The following SPAST variants were observed in gnomAD, a reference collection of about 807,000 sequenced individuals.
SPAST encodes the protein spastin.
A neutral mutation model predicts 76.6 loss-of-function variants in SPAST; 30 were observed. That is an observed-to-expected ratio of 0.39 (90% confidence interval 0.29 to 0.53). The LOEUF is 0.53. Among genes scored for constraint, SPAST ranks in the 20% least tolerant of loss-of-function variants. The pLI, the probability that SPAST is intolerant of heterozygous loss-of-function variation, is 0.68. For synonymous variants in SPAST, 305 were observed against 281.0 expected (o/e 1.09, Z -0.86); for missense variants, 717 against 770.5 (o/e 0.93, Z 0.82).
intron 3 of SPAST, among the ~76,000 whole-genome samples, chr2:32,095,295 G>C (rs1194241822): frequency 1.3e-5 from 2 of 152,318 alleles, no homozygotes; most frequent in East Asian, 3.9e-4. Context: ...ATCACTGCAG[G>C]ATGGGTATTA....
intron 1 of SPAST, among the ~76,000 whole-genome samples, chr2:32,086,745 A>G (rs1346289243): frequency 3.3e-5 from 5 of 151,992 alleles, no homozygotes; most frequent in African/African-American, 4.8e-5. Flanking sequence ...GTGACAGAGC[A>G]AGACTCTGTC....
intron 1 of SPAST, among the ~76,000 whole-genome samples, chr2:32,068,326 T>G (rs1489617808): frequency 1.4e-5 from 1 of 73,314 alleles, no homozygotes; most frequent in Non-Finnish European, 3.0e-5. Flanking sequence ...TTGACAGCTC[T>G]TTTTTTTTTT....
chr2:32,094,884 A>C (rs1677860925), intron 3 of SPAST, among the ~76,000 whole-genome samples: 1 of 152,174 alleles, frequency 6.6e-6, no homozygotes, highest in Non-Finnish European at 1.5e-5. Flanking sequence ...CAGAAGAATC[A>C]CTTGAACCCG....
chr2:32,110,475 ATATG>A (rs1255031740), intron 4 of SPAST, among the ~76,000 whole-genome samples: 1 of 141,984 alleles, frequency 7.0e-6, no homozygotes, highest in African/African-American at 2.6e-5. Flanking sequence ...CAAAATAACT[ATATG>A]TATATGTAAC....
chr2:32,132,252 G>C (rs933788786), intron 9 of SPAST, among the ~76,000 whole-genome samples: 4 of 152,084 alleles, frequency 2.6e-5, no homozygotes, highest in African/African-American at 9.7e-5. Context: ...TTAGTCGGGC[G>C]TGGTGGCGTG....
At chr2:32,119,325 G>A (rs1678942289) in intron 7 of SPAST, among the ~76,000 whole-genome samples, 1 of 152,144 alleles carries the variant, frequency 6.6e-6, no homozygotes, top group African/African-American at 2.4e-5. Context: ...AAAAAAATCA[G>A]CTTTATTCCT....
chr2:32,106,610 A>G (rs1678331471), intron 4 of SPAST, among the ~76,000 whole-genome samples: 2 of 152,174 alleles, frequency 1.3e-5, no homozygotes, highest in South Asian at 2.1e-4. Context: ...TTCATATGTA[A>G]TACAAAACTT....
intron 2 of SPAST, among the ~76,000 whole-genome samples, chr2:32,088,393 C>G (rs1053765152): frequency 1.3e-5 from 2 of 151,766 alleles, no homozygotes; most frequent in African/African-American, 4.8e-5. Context: ...GCCTGTAATC[C>G]CAGCACTTTG....
In SPAST at chr2:32,083,674, TA is replaced by T. The variant is rs1309431138; in HGVS notation, c.416-3817del. Among the ~76,000 whole-genome samples the T allele has an allele frequency of 1.9e-3, 261 of 140,166 alleles. 4 individuals are homozygous for T. The highest frequency in any genetic ancestry group is 4.8e-3 in the African/African-American group (183 of 38,434). 92.0% of individuals were successfully genotyped at this position (140,166 alleles called of 152,430 possible). ...TGCCTACTATATATATATATATATA[TA>T]TTTTTATGCTATATATAGAGTATAT... is the stretch of plus-strand genomic sequence containing the variant. On this transcript the variant is annotated intron_variant, in intron 1 of 16. Transcript: ENST00000315285.
intron 2 of SPAST, among the ~76,000 whole-genome samples, chr2:32,088,405 G>A (rs1677579723): frequency 6.6e-6 from 1 of 152,166 alleles, no homozygotes; most frequent in African/African-American, 2.4e-5. Flanking sequence ...AGCACTTTGG[G>A]AGGCCGAGGT....
intron 5 of SPAST, 131 bp downstream of exon 5, chr2:32,114,956 A>ATTTTT: frequency 1.8e-6 from 1 of 556,032 alleles, no homozygotes; most frequent in East Asian, 3.3e-5. Flanking sequence ...CATAAAGTTA[A>ATTTTT]ATTTTTTTTT....
intron 2 of SPAST, 116 bp downstream of exon 2, chr2:32,087,694 C>A: frequency 6.5e-5 from 12 of 185,142 alleles, no homozygotes; most frequent in Non-Finnish European, 1.1e-4. Flanking sequence ...CTTTTCTTTT[C>A]TTTTTTTTTT....
rs1489775129 is a variant in SPAST at position 32,074,911 on chromosome 2, T to C, written c.415+10665T>C. 2.0e-5 allele frequency among the ~76,000 whole-genome samples: 3 copies of C among 152,220 alleles called. No homozygotes were observed. In the East Asian group the frequency reaches 5.8e-4, roughly 29 times the overall value. The stretch of plus-strand genomic sequence containing the variant: ...CCATATAGGATCTTGGGCAAGTTAC[T>C]TAACTATGTATGCTGAGATGTTTTT... On this transcript the variant is annotated intron_variant, in intron 1 of 16. Transcript: ENST00000315285.
intron 7 of SPAST, among the ~76,000 whole-genome samples, chr2:32,118,098 T>A (rs13022197): frequency 0.41 from 62,106 of 152,020 alleles, 13,008 homozygotes; most frequent in East Asian, 0.64. Context: ...TGGGTCACAG[T>A]TATTTCACTA....
intron 1 of SPAST, among the ~76,000 whole-genome samples, chr2:32,069,498 A>G (rs1676661270): frequency 6.6e-6 from 1 of 151,900 alleles, no homozygotes; most frequent in South Asian, 2.1e-4. Flanking sequence ...GTGGTTAACT[A>G]TCAAGGAGCT....
Position 32,136,984 on chromosome 2 carries a change from G to T in SPAST, c.1413+16G>T, listed in dbSNP as rs1256616272. ...ATTTGATGGTGTAAGTGTTGATTAT[G>T]ATATTTTTAATGTGGCAGCATTTTA... On this transcript the variant is annotated intron_variant, in intron 11 of 16. Transcript: ENST00000315285. The T allele has an allele frequency of 6.3e-7, 1 of 1,594,166 alleles. No homozygotes were observed. The highest frequency in any genetic ancestry group is 8.6e-7 in the Non-Finnish European group (1 of 1,164,638).
intron 3 of SPAST, among the ~76,000 whole-genome samples, chr2:32,097,043 C>T (rs969354425): frequency 1.3e-5 from 2 of 152,178 alleles, no homozygotes; most frequent in African/African-American, 2.4e-5. Flanking sequence ...GTTTGTCAAA[C>T]TTTAGAAATG....
In SPAST at chr2:32,108,591, A is replaced by C. The variant is rs551663480; in HGVS notation, c.683-6047A>C. Among the ~76,000 whole-genome samples the C allele has an allele frequency of 7.9e-5, 12 of 151,884 alleles. 2 individuals carry two copies. Among genetic ancestry groups the C allele is most frequent in the African/African-American group, 2.9e-4 (12 of 41,408 alleles). On this transcript the variant is annotated intron_variant, in intron 4 of 16. Transcript: ENST00000315285. ...AGTACAGCTGAAATTAGTTGGGACT[A>C]CAGGTGGGCACCACTGTGCCAGCTA...
chr2:32,073,537 C>T (rs775115968), intron 1 of SPAST, among the ~76,000 whole-genome samples: 5 of 151,880 alleles, frequency 3.3e-5, no homozygotes, highest in African/African-American at 4.8e-5. Flanking sequence ...GCCGTATTGC[C>T]CAGGCTGGTC....
Sources: gnomAD v4.1 joint callset for allele counts (sites outside exome capture counted in the v4.1 genomes callset) on GRCh38, gnomAD v4.1.1 for gene constraint, MANE v1.5 for transcripts, NCBI Gene and HGNC (gene_info 2026-07-23, HGNC 2026-07-21) for gene names.